SYN3: variants seen among roughly 807,000 people sequenced by gnomAD.
The protein encoded by SYN3 is synapsin-3.
SYN3 carries 35 observed loss-of-function variants against 65.8 expected under a neutral mutation model. The observed-to-expected ratio is 0.53, with a 90% CI of 0.41 to 0.70. The LOEUF (loss-of-function observed/expected upper bound fraction) is 0.70, where lower values mean the gene tolerates loss of function less well. Ranked by LOEUF, SYN3 falls within the 30% of genes least tolerant of loss-of-function variation. The pLI is 0.00. For synonymous variants in SYN3, 270 were observed against 292.9 expected, an observed-to-expected ratio of 0.92 and a Z score of 0.80; for missense variants, 680 against 749.0, an observed-to-expected ratio of 0.91 and a Z score of 1.08.
chr22:33,005,256 C>G (rs1342510256), intron 2 of SYN3, among the ~76,000 whole-genome samples: 1 of 152,188 alleles, frequency 6.6e-6, no homozygotes, highest in Non-Finnish European at 1.5e-5. Flanking sequence ...ACATGCGACC[C>G]TGTTCTCCAT....
rs1355020359 is a variant in SYN3 at position 32,508,827 on chromosome 22, A to C, written c.*4865T>G. ...TGCCAAGCAATGTGCTCTGAGCTTC[A>C]CTCTCTTGACCCATGCACAAGATAC... On this transcript the variant is annotated 3_prime_UTR_variant, in exon 14 of 14. Transcript: ENST00000358763. Among the ~76,000 whole-genome samples, 3 of 151,124 alleles carry C rather than the reference A, an allele frequency of 2.0e-5. No homozygotes were observed. Among genetic ancestry groups the C allele is most frequent in the Non-Finnish European group, 4.4e-5 (3 of 67,994 alleles).
At chr22:32,765,076 G>A (rs373041327) in intron 6 of SYN3, among the ~76,000 whole-genome samples, 2 of 147,410 alleles carry the variant, frequency 1.4e-5, no homozygotes, top group East Asian at 2.1e-4. Flanking sequence ...AGACCTCGCC[G>A]TTTGCTGGCC....
chr22:32,777,822 G>A (rs2045945847), intron 6 of SYN3, among the ~76,000 whole-genome samples: 1 of 151,970 alleles, frequency 6.6e-6, no homozygotes, highest in Non-Finnish European at 1.5e-5. Flanking sequence ...TTAAATGCTA[G>A]CTTTGGGTTC....
At chr22:32,938,195 C>A (rs540561091) in intron 3 of SYN3, among the ~76,000 whole-genome samples, 1 of 152,054 alleles carries the variant, frequency 6.6e-6, no homozygotes, top group South Asian at 2.1e-4. Context: ...AAATAGAAAA[C>A]CAGAAGATAG....
At chr22:32,617,064 T>C (rs1271110850) in intron 6 of SYN3, among the ~76,000 whole-genome samples, 1 of 152,166 alleles carries the variant, frequency 6.6e-6, no homozygotes, top group Admixed American at 6.5e-5. Flanking sequence ...GGGCCTCAAA[T>C]AGAGATTCCT....
chr22:32,763,620 T>A (rs1023954618), intron 6 of SYN3, among the ~76,000 whole-genome samples: 2 of 152,222 alleles, frequency 1.3e-5, no homozygotes, highest in Non-Finnish European at 2.9e-5. Flanking sequence ...CTGGTAGCCA[T>A]GCAGTACTGC....
chr22:32,997,366 C>T (rs2052911511), intron 2 of SYN3, among the ~76,000 whole-genome samples: 1 of 152,162 alleles, frequency 6.6e-6, no homozygotes, highest in Non-Finnish European at 1.5e-5. Flanking sequence ...CTTGTTCAGT[C>T]ATTTGACCAA....
At chr22:33,045,183 T>C (rs147663986) in intron 1 of SYN3, among the ~76,000 whole-genome samples, 190 of 152,212 alleles carry the variant, frequency 1.2e-3, no homozygotes, top group Admixed American at 2.2e-3. Flanking sequence ...AAAGCAGCTG[T>C]CCAGACAGCT....
intron 6 of SYN3, among the ~76,000 whole-genome samples, chr22:32,767,024 C>T (rs2045644106): frequency 6.6e-6 from 1 of 152,188 alleles, no homozygotes; most frequent in Non-Finnish European, 1.5e-5. Flanking sequence ...TCTCTCCCTC[C>T]CTTCCAAATC....
chr22:32,845,367 A>G (rs1273930605), intron 6 of SYN3, among the ~76,000 whole-genome samples: 1 of 151,642 alleles, frequency 6.6e-6, no homozygotes, highest in Non-Finnish European at 1.5e-5. Context: ...TAATTTTTGT[A>G]TTTTAGTAGA....
intron 4 of SYN3, among the ~76,000 whole-genome samples, chr22:32,875,712 C>T (rs1235221008): frequency 1.3e-5 from 2 of 152,092 alleles, no homozygotes; most frequent in Non-Finnish European, 2.9e-5. Flanking sequence ...AGTGATGTGT[C>T]TATAATACAG....
At chr22:32,746,899 C>T (rs2044950775) in intron 6 of SYN3, among the ~76,000 whole-genome samples, 1 of 152,172 alleles carries the variant, frequency 6.6e-6, no homozygotes, top group Admixed American at 6.5e-5. Context: ...GCTTAGCCGC[C>T]GGAGGCTTTG....
intron 3 of SYN3, among the ~76,000 whole-genome samples, chr22:32,958,027 A>G (rs2051521880): frequency 6.6e-6 from 1 of 152,220 alleles, no homozygotes; most frequent in African/African-American, 2.4e-5. Flanking sequence ...AGCAAAGGCA[A>G]TGAGGTCTGT....
At chr22:32,603,403 C>T (rs188521005) in intron 6 of SYN3, among the ~76,000 whole-genome samples, 121 of 151,080 alleles carry the variant, frequency 8.0e-4, no homozygotes, top group Admixed American at 2.2e-3. Flanking sequence ...ACCTGTAGTC[C>T]CAGCTACTAG....
chr22:32,654,120 T>C (rs1329033651), intron 6 of SYN3, among the ~76,000 whole-genome samples: 1 of 152,098 alleles, frequency 6.6e-6, no homozygotes, highest in East Asian at 1.9e-4. Context: ...TGCCTGAGAG[T>C]TAAGAGAGGA....
At chr22:32,772,264 CTT>C (rs11398597) in intron 6 of SYN3, among the ~76,000 whole-genome samples, 7 of 135,952 alleles carry the variant, frequency 5.1e-5, no homozygotes, top group Admixed American at 2.2e-4. Flanking sequence ...TTTTTCTTTT[CTT>C]TTTTTTTTTT....
Position 32,965,908 on chromosome 22 carries a change from G to A in SYN3, c.369+14737C>T, listed in dbSNP as rs567011880. Among the ~76,000 whole-genome samples, 141 of 152,198 alleles carry A rather than the reference G, an allele frequency of 9.3e-4. 2 individuals are homozygous for A. The highest frequency in any genetic ancestry group is 4.6e-3 in the South Asian group (22 of 4,820). ...ACGGGGTTTCGCTGTGTTAGCCAAG[G>A]TGGTCTCGATCTCCTGACCTTGTGA... On this transcript the variant is annotated intron_variant, in intron 3 of 13. Transcript: ENST00000358763.
chr22:33,000,647 T>C (rs1031161775), intron 2 of SYN3, among the ~76,000 whole-genome samples: 14 of 152,188 alleles, frequency 9.2e-5, no homozygotes, highest in Admixed American at 7.2e-4. Context: ...GGCAGCATCA[T>C]CGTCCCCGTT....
At chr22:32,836,099 A>T (rs1049791512) in intron 6 of SYN3, among the ~76,000 whole-genome samples, 2 of 152,234 alleles carry the variant, frequency 1.3e-5, no homozygotes, top group African/African-American at 4.8e-5. Context: ...GTGACTTCTG[A>T]CAAGTTTCTT....
Sources: gnomAD v4.1 joint callset for allele counts (sites outside exome capture counted in the v4.1 genomes callset) on GRCh38, gnomAD v4.1.1 for gene constraint, MANE v1.5 for transcripts, NCBI Gene and HGNC (gene_info 2026-07-23, HGNC 2026-07-21) for gene names.